The following AFG2A variants were observed in gnomAD, a reference collection of about 807,000 sequenced individuals.
The protein encoded by AFG2A is ATPase family gene 2 protein homolog A.
chr4:123,007,642 A>AAATACAC, the AFG2A span, among the ~76,000 whole-genome samples: 172 of 25,524 alleles, frequency 6.7e-3, 4 homozygotes, highest in African/African-American at 0.016. Context: ...ACACACACAC[A>AAATACAC]ACACACACAC....
chr4:123,054,286 GTGGA>G, the AFG2A span, among the ~76,000 whole-genome samples: 7 of 152,106 alleles, frequency 4.6e-5, no homozygotes, highest in African/African-American at 1.7e-4. Flanking sequence ...TTTCACAATT[GTGGA>G]TGGATGGATA....
chr4:123,244,022 A>T, the AFG2A span, among the ~76,000 whole-genome samples: 1 of 152,120 alleles, frequency 6.6e-6, no homozygotes, highest in Non-Finnish European at 1.5e-5. Flanking sequence ...ACCCCATCTC[A>T]AATAAATAAA....
chr4:123,024,035 C>CA, the AFG2A span, among the ~76,000 whole-genome samples: 2 of 151,376 alleles, frequency 1.3e-5, no homozygotes, highest in Non-Finnish European at 2.9e-5. Context: ...ATTCTGTAGT[C>CA]ATCAGTAATG....
chr4:123,252,729 G>A, the AFG2A span, among the ~76,000 whole-genome samples: 451 of 152,290 alleles, frequency 3.0e-3, 2 homozygotes, highest in African/African-American at 9.8e-3. Context: ...CAATTAAGGT[G>A]CAGAACATCC....
the AFG2A span, among the ~76,000 whole-genome samples, chr4:122,967,493 A>G: frequency 6.6e-6 from 1 of 152,066 alleles, no homozygotes; most frequent in East Asian, 1.9e-4. Context: ...TTTCATACCA[A>G]CCATATTCGT....
At chr4:123,069,422 G>A in the AFG2A span, among the ~76,000 whole-genome samples, 2 of 152,050 alleles carry the variant, frequency 1.3e-5, no homozygotes, top group African/African-American at 4.8e-5. Context: ...TATTATCAAG[G>A]ACAAATGCTG....
the AFG2A span, chr4:123,028,186 G>A: frequency 5.6e-6 from 9 of 1,608,696 alleles, no homozygotes; most frequent in South Asian, 1.1e-5. Flanking sequence ...TATTTTTCAG[G>A]TATCCTGGTC....
chr4:122,932,772 G>C, the AFG2A span, among the ~76,000 whole-genome samples: 2 of 152,038 alleles, frequency 1.3e-5, no homozygotes, highest in Non-Finnish European at 2.9e-5. Context: ...CCTTTCTCCA[G>C]AAAAAAACCT....
chr4:123,313,887 G>T, the AFG2A span: 2 of 1,550,560 alleles, frequency 1.3e-6, no homozygotes, highest in Non-Finnish European at 1.7e-6. Flanking sequence ...TAAAATTTCA[G>T]ATTGTAGCTG....
At chr4:123,172,718 C>A in the AFG2A span, among the ~76,000 whole-genome samples, 1 of 152,110 alleles carries the variant, frequency 6.6e-6, no homozygotes, top group Non-Finnish European at 1.5e-5. Context: ...AGTATAAATA[C>A]TTTAAAGATT....
the AFG2A span, among the ~76,000 whole-genome samples, chr4:123,050,875 A>G: frequency 1.3e-5 from 2 of 151,890 alleles, no homozygotes; most frequent in African/African-American, 4.8e-5. Context: ...TTTCTGAGTA[A>G]CTAGGATTAC....
At chr4:123,062,085 C>G in the AFG2A span, among the ~76,000 whole-genome samples, 1 of 152,188 alleles carries the variant, frequency 6.6e-6, no homozygotes, top group Non-Finnish European at 1.5e-5. Flanking sequence ...TTACCAGATA[C>G]ATAAGAGATG....
the AFG2A span, among the ~76,000 whole-genome samples, chr4:123,243,180 A>T: frequency 5.3e-4 from 81 of 152,320 alleles, no homozygotes; most frequent in Non-Finnish European, 1.1e-3. Flanking sequence ...ATTGTGGAAG[A>T]CAGTGTGGTG....
the AFG2A span, among the ~76,000 whole-genome samples, chr4:123,144,002 G>A: frequency 2.0e-5 from 3 of 151,830 alleles, no homozygotes; most frequent in Admixed American, 6.6e-5. Flanking sequence ...CTTTGTATTC[G>A]TTAGCCCAGA....
the AFG2A span, among the ~76,000 whole-genome samples, chr4:123,157,454 A>G: frequency 3.3e-5 from 5 of 152,284 alleles, no homozygotes; most frequent in African/African-American, 9.6e-5. Flanking sequence ...ATTGGTTTCT[A>G]TGTGAATCAT....
chr4:123,018,506 A>G, the AFG2A span, among the ~76,000 whole-genome samples: 2 of 152,224 alleles, frequency 1.3e-5, no homozygotes, highest in Non-Finnish European at 1.5e-5. Flanking sequence ...AAGGTAGGAT[A>G]GTGAAACAGC....
At chr4:123,215,385 G>A in the AFG2A span, among the ~76,000 whole-genome samples, 5 of 151,978 alleles carry the variant, frequency 3.3e-5, no homozygotes, top group Non-Finnish European at 7.4e-5. Context: ...ATAAATTGTG[G>A]AAATTTTAAT....
the AFG2A span, among the ~76,000 whole-genome samples, chr4:123,144,701 G>A: frequency 6.6e-6 from 1 of 152,050 alleles, no homozygotes; most frequent in South Asian, 2.1e-4. Flanking sequence ...AAAAGTACTT[G>A]TTTTTATAGT....
chr4:123,178,210 G>A, the AFG2A span, among the ~76,000 whole-genome samples: 1 of 152,142 alleles, frequency 6.6e-6, no homozygotes, highest in Non-Finnish European at 1.5e-5. Flanking sequence ...ACCATCACTG[G>A]AATACTGTAC....
Sources: allele counts gnomAD v4.1 joint callset (sites outside exome capture counted in the v4.1 genomes callset), GRCh38; gene constraint gnomAD v4.1.1; transcripts MANE v1.5; gene names NCBI Gene and HGNC (gene_info 2026-07-23, HGNC 2026-07-21).